The following SLC25A48 variants were observed in gnomAD, a reference collection of about 807,000 sequenced individuals.
SLC25A48 encodes the protein CTC-321K16.1.
A neutral mutation model predicts 32.2 loss-of-function variants in SLC25A48; 29 were observed. That is an observed-to-expected ratio of 0.90 (90% CI 0.67 to 1.23). The LOEUF is 1.23. Among genes scored for constraint, SLC25A48 ranks in the 50% most tolerant of loss-of-function variants. SLC25A48 has a pLI of 0.00. For missense variants in SLC25A48, 399 were observed against 422.7 expected, an observed-to-expected ratio of 0.94 and a Z score of 0.49; for synonymous variants, 164 against 172.3, an observed-to-expected ratio of 0.95 and a Z score of 0.38.
At chr5:135,588,577 G>T (rs1299065505) in intron 1 of SLC25A48, among the ~76,000 whole-genome samples, 2 of 152,194 alleles carry the variant, frequency 1.3e-5, no homozygotes, top group Non-Finnish European at 2.9e-5. Flanking sequence ...GATTCCAGAT[G>T]GGGGGCTGTA....
At chr5:135,725,191 G>A (rs1487938004) in intron 3 of SLC25A48, among the ~76,000 whole-genome samples, 1 of 152,234 alleles carries the variant, frequency 6.6e-6, no homozygotes, top group African/African-American at 2.4e-5. Flanking sequence ...GTCAGATAAT[G>A]GGGTTAACTG....
At chr5:135,820,498 A>G (rs775145040) in intron 4 of SLC25A48, among the ~76,000 whole-genome samples, 16 of 152,358 alleles carry the variant, frequency 1.1e-4, no homozygotes, top group Middle Eastern at 3.4e-3. Flanking sequence ...TTTACGGTGT[A>G]TATAAATTAG....
rs12659213 is a variant in SLC25A48 at position 135,710,230 on chromosome 5, C to T, written c.-521+75274C>T. Among the ~76,000 whole-genome samples the T allele has an allele frequency of 4.5e-3, 685 of 152,290 alleles. 12 individuals are homozygous for T. The East Asian group carries it at 0.051, about 11-fold the overall frequency. On this transcript the variant is annotated intron_variant, in intron 3 of 10. Coordinates refer to the SLC25A48 transcript ENST00000646290. Reference sequence around the variant, plus strand: ...CCTGCTGCAAAGGGCAGCTGGTTTTCGCACAGCTTTGCAGTCTGTATGTAC... The same window carrying T: ...CCTGCTGCAAAGGGCAGCTGGTTTTTGCACAGCTTTGCAGTCTGTATGTAC...
intron 3 of SLC25A48, among the ~76,000 whole-genome samples, chr5:135,638,415 G>T (rs1233472873): frequency 7.2e-5 from 11 of 152,104 alleles, no homozygotes; most frequent in Non-Finnish European, 1.6e-4. Context: ...GTGGGGGAGG[G>T]GAGGCAGCAG....
intron 3 of SLC25A48, among the ~76,000 whole-genome samples, chr5:135,755,043 A>T (rs1755862930): frequency 6.6e-6 from 1 of 152,136 alleles, no homozygotes. Flanking sequence ...GTGTTTACAC[A>T]CTGTGATATT....
chr5:135,790,954 A>C (rs781606785), intron 3 of SLC25A48, among the ~76,000 whole-genome samples: 32 of 149,790 alleles, frequency 2.1e-4, no homozygotes, highest in Non-Finnish European at 3.7e-4. Context: ...GTAAGTGTAC[A>C]TTATGTGTGA....
chr5:135,705,908 G>A (rs1754496655), intron 3 of SLC25A48, among the ~76,000 whole-genome samples: 1 of 152,202 alleles, frequency 6.6e-6, no homozygotes, highest in Non-Finnish European at 1.5e-5. Flanking sequence ...GGCAGAGGCT[G>A]TTCTTGAGGG....
chr5:135,834,877 G>C lies in SLC25A48; in HGVS notation c.30G>C (p.Ala10=). 6.2e-7 allele frequency: 1 copy of C among 1,604,234 alleles called. No individual in the cohort carries two copies. The highest frequency in any genetic ancestry group is 1.1e-5 in the South Asian group (1 of 88,526). Residue 10 remains alanine (A), a synonymous_variant, in exon 1 of 8, where the codon GCG becomes GCC. Coordinates refer to ENST00000681962, the MANE Select transcript of SLC25A48 (RefSeq NM_001349336.2). The stretch of plus-strand genomic sequence containing the variant: ...GAAGCTTCCAGCTGGAAGACTTTGC[G>C]GCGGGCTGGATCGGAGGTGAGTGTG... MGSFQLEDF[A]AGWIGGAASV...
At chr5:135,717,632 A>G (rs1397958583) in intron 3 of SLC25A48, among the ~76,000 whole-genome samples, 1 of 152,206 alleles carries the variant, frequency 6.6e-6, no homozygotes, top group Non-Finnish European at 1.5e-5. Context: ...ACGCACAGGG[A>G]AAAGTGTCGC....
At chr5:135,587,691 G>A (rs1053802797) in intron 1 of SLC25A48, among the ~76,000 whole-genome samples, 4 of 152,200 alleles carry the variant, frequency 2.6e-5, no homozygotes, top group African/African-American at 9.6e-5. Flanking sequence ...TCTGAGACAT[G>A]TTGCAATTTT....
intron 3 of SLC25A48, among the ~76,000 whole-genome samples, chr5:135,852,005 C>A (rs1264788263): frequency 6.6e-6 from 1 of 152,128 alleles, no homozygotes; most frequent in Non-Finnish European, 1.5e-5. Context: ...TCTAGGGAAC[C>A]CCTGTCTTAC....
intron 3 of SLC25A48, among the ~76,000 whole-genome samples, chr5:135,708,895 A>G (rs1023989053): frequency 1.3e-5 from 2 of 152,174 alleles, no homozygotes; most frequent in Non-Finnish European, 2.9e-5. Context: ...CATCACAATC[A>G]TGGCTAGATG....
chr5:135,841,713 G>C (rs997438895), intron 1 of SLC25A48, among the ~76,000 whole-genome samples: 4 of 151,170 alleles, frequency 2.6e-5, no homozygotes, highest in Non-Finnish European at 5.9e-5. Flanking sequence ...GTGTGGGTGG[G>C]GGGTATAAAA....
At chr5:135,720,011 A>C (rs917059619) in intron 3 of SLC25A48, among the ~76,000 whole-genome samples, 3 of 152,234 alleles carry the variant, frequency 2.0e-5, no homozygotes, top group Admixed American at 6.5e-5. Context: ...CTAGATCAGT[A>C]GTCTCCCCAA....
chr5:135,793,128 A>G (rs1757076977), intron 3 of SLC25A48, among the ~76,000 whole-genome samples: 1 of 151,404 alleles, frequency 6.6e-6, no homozygotes, highest in Non-Finnish European at 1.5e-5. Flanking sequence ...CCATGTGCGT[A>G]CACTCTGGGA....
intron 7 of SLC25A48, among the ~76,000 whole-genome samples, chr5:135,882,288 C>A (rs1762532664): frequency 6.6e-6 from 1 of 152,222 alleles, no homozygotes; most frequent in Non-Finnish European, 1.5e-5. Flanking sequence ...GCTCTAACCC[C>A]CAAATACCAA....
chr5:135,631,311 A>T (rs778628102), intron 2 of SLC25A48, among the ~76,000 whole-genome samples: 6 of 152,172 alleles, frequency 3.9e-5, no homozygotes, highest in Non-Finnish European at 8.8e-5. Flanking sequence ...TCATGGTGGG[A>T]TTCCTTTAAT....
chr5:135,764,883 G>T (rs1212244088), intron 3 of SLC25A48, among the ~76,000 whole-genome samples: 1 of 150,978 alleles, frequency 6.6e-6, no homozygotes, highest in East Asian at 1.9e-4. Context: ...ATCGCAGGGG[G>T]TGTATATCAC....
chr5:135,594,529 A>C (rs1457355706), intron 1 of SLC25A48, among the ~76,000 whole-genome samples: 1 of 152,180 alleles, frequency 6.6e-6, no homozygotes, highest in Non-Finnish European at 1.5e-5. Context: ...CAGTACCCTC[A>C]TAGGATGATT....
Sources: allele counts gnomAD v4.1 joint callset (sites outside exome capture counted in the v4.1 genomes callset), GRCh38; gene constraint gnomAD v4.1.1; transcripts MANE v1.5; gene names NCBI Gene and HGNC (gene_info 2026-07-23, HGNC 2026-07-21).